Variants in PCDHA3 observed in about 807,000 individuals in gnomAD.
PCDHA3 encodes the protein protocadherin alpha-3.
A neutral mutation model predicts 62.2 loss-of-function variants in PCDHA3; 41 were observed. The observed-to-expected ratio is 0.66, with a 90% CI of 0.51 to 0.86. PCDHA3 has a LOEUF of 0.86. PCDHA3 is among the 40% of genes least tolerant of loss of function. The probability of loss-of-function intolerance (pLI) is 0.00; values close to 1 mark genes in which losing one functional copy is unlikely to be tolerated. For synonymous variants in PCDHA3, 640 were observed against 555.4 expected (o/e 1.15, Z -2.14); for missense variants, 1,304 against 1,241.2 (o/e 1.05, Z -0.76).
rs141944056 is a variant in PCDHA3, at chr5:140,857,401, G to A, written c.2394+53810G>A. ...AGGTGGCCGACGTGAACGACAACGCGCCTGCGTTCGCGCAGTCCGAGTACA... is the reference window on the plus strand; with the variant it reads ...AGGTGGCCGACGTGAACGACAACGCACCTGCGTTCGCGCAGTCCGAGTACA... On this transcript the variant is annotated intron_variant, in intron 1 of 3. Transcript: ENST00000522353. The A allele has an allele frequency of 3.2e-3, 5,155 of 1,598,156 alleles. 411 individuals are homozygous for A. The African/African-American group carries it at 0.057, about 18-fold the overall frequency.
chr5:140,921,581 T>C (rs1199851100), intron 1 of PCDHA3, among the ~76,000 whole-genome samples: 1 of 152,210 alleles, frequency 6.6e-6, no homozygotes, highest in Non-Finnish European at 1.5e-5. Flanking sequence ...GAGCTCATAC[T>C]ATATTATGGT....
intron 1 of PCDHA3, chr5:140,808,458 T>G (rs1764176354): frequency 6.2e-7 from 1 of 1,614,180 alleles, no homozygotes; most frequent in East Asian, 2.2e-5. Context: ...TATGAGCTGG[T>G]GGTGACCGCG....
At chr5:140,931,758 A>G (rs1374881766) in intron 1 of PCDHA3, among the ~76,000 whole-genome samples, 1 of 151,944 alleles carries the variant, frequency 6.6e-6, no homozygotes, top group African/African-American at 2.4e-5. Flanking sequence ...GGCATTTGTT[A>G]TTTACTTCTT....
intron 1 of PCDHA3, among the ~76,000 whole-genome samples, chr5:140,899,105 T>G (rs2153462801): frequency 6.6e-6 from 1 of 152,160 alleles, no homozygotes; most frequent in Non-Finnish European, 1.5e-5. Flanking sequence ...GATAATGGGG[T>G]TTTCTAGATA....
chr5:140,945,346 A>C (rs2093775452), intron 1 of PCDHA3, among the ~76,000 whole-genome samples: 1 of 152,132 alleles, frequency 6.6e-6, no homozygotes, highest in South Asian at 2.1e-4. Context: ...AGCTTGGAAA[A>C]ATTAATACTG....
At chr5:140,803,939 C>T in intron 1 of PCDHA3, 1 of 398,042 alleles carries the variant, frequency 2.5e-6, no homozygotes, top group Non-Finnish European at 4.5e-6. Context: ...TATCCCTATA[C>T]AATGCTTCTT....
chr5:140,841,886 A>G, intron 1 of PCDHA3: 1 of 1,613,832 alleles, frequency 6.2e-7, no homozygotes, highest in South Asian at 1.1e-5. Context: ...GAACGATGAG[A>G]ATAAACTGGT....
chr5:140,851,986 C>T, intron 1 of PCDHA3: 1 of 976,230 alleles, frequency 1.0e-6, no homozygotes, highest in Non-Finnish European at 1.2e-6. Context: ...TTAGTGCAAG[C>T]TATTTGTTTG....
At chr5:140,809,195 G>T (rs1435429734) in intron 1 of PCDHA3, 1 of 1,614,064 alleles carries the variant, frequency 6.2e-7, no homozygotes, top group East Asian at 2.2e-5. Context: ...GGTGTCACTT[G>T]TGGAGAGTGG....
In PCDHA3 at chr5:140,802,111, AG is replaced by A; in HGVS notation, c.917del (p.Gly306ValfsTer3). On this transcript the variant is annotated frameshift_variant, in exon 1 of 4. Transcript: ENST00000522353. LOFTEE classifies it high-confidence loss of function. The stretch of plus-strand genomic sequence containing the variant: ...CCAGTCAATGGACAAATCAGTGTAA[AG>A]GGTAACATAGATTTCGAGGAAAGTA... ...LDPVNGQISV[K>X]GNIDFEESKS... The A allele has an allele frequency of 1.2e-6, 2 of 1,614,222 alleles. No individual in the cohort carries two copies. The highest frequency in any genetic ancestry group is 2.2e-5 in the South Asian group (2 of 91,082).
chr5:140,963,288 G>A (rs908553196), intron 1 of PCDHA3, among the ~76,000 whole-genome samples: 2 of 152,126 alleles, frequency 1.3e-5, no homozygotes, highest in Non-Finnish European at 2.9e-5. Flanking sequence ...ATTTTATAAG[G>A]AGGAGAGAAA....
chr5:140,978,994 G>A lies in PCDHA3; in HGVS notation c.2440G>A (p.Ala814Thr). The A allele has an allele frequency of 6.2e-7, 1 of 1,614,152 alleles. No homozygotes were observed. The highest frequency in any genetic ancestry group is 8.5e-7 in the Non-Finnish European group (1 of 1,180,022). The change falls in exon 2 of 4, where the codon GCA (alanine) becomes ACA (threonine). Residue 814 changes from alanine to threonine, a missense_variant. Coordinates refer to ENST00000522353, the MANE Select transcript of PCDHA3 (RefSeq NM_018906.3). ...CTGGCGTTACTCTGCCTCCCTGAGA[G>A]CAGGCATGCACAGGTATGTATTTCC... ...PDWRYSASLR[A>T]GMHSSVHLEE... is the part of the protein sequence containing the mutation.
rs56843453 is a variant in PCDHA3 at position 141,000,391 on chromosome 5, C to A, written c.2543-9236C>A. Reference sequence around the variant, plus strand: ...TCTCTCTCTCTCTCTCTCTCTCTCTCTCTCTATATATATATATATATATAT... The same window carrying A: ...TCTCTCTCTCTCTCTCTCTCTCTCTATCTCTATATATATATATATATATAT... On this transcript the variant is annotated intron_variant, in intron 3 of 3. Transcript: ENST00000522353. Among the ~76,000 whole-genome samples the A allele has an allele frequency of 8.6e-3, 487 of 56,544 alleles. 1 individual carries two copies. Among genetic ancestry groups the A allele is most frequent in the Non-Finnish European group, 9.4e-3 (310 of 32,842 alleles). The allele number at this position is 56,544 out of a possible 152,430, so 37.1% of individuals were successfully genotyped here.
At chr5:140,899,405 T>G (rs1369333627) in intron 1 of PCDHA3, among the ~76,000 whole-genome samples, 3 of 152,204 alleles carry the variant, frequency 2.0e-5, no homozygotes, top group Non-Finnish European at 4.4e-5. Flanking sequence ...CATGAAGGGT[T>G]GTTGAATTTT....
At position 140,823,147 on chromosome 5, in the gene PCDHA3, C is replaced by G. The variant is rs144629482; in HGVS notation, c.2394+19556C>G. 35 of 1,613,884 alleles carry G rather than the reference C, an allele frequency of 2.2e-5. No homozygotes were observed. The Admixed American group carries it at 3.8e-4, about 18-fold the overall frequency. On this transcript the variant is annotated intron_variant, in intron 1 of 3. Transcript: ENST00000522353. Reference sequence around the variant, plus strand: ...CAACGCTCCGGCGTTCGCGCAGCCCCAGTATACCGTGTTCGTGAAGGAGAA... The same window carrying G: ...CAACGCTCCGGCGTTCGCGCAGCCCGAGTATACCGTGTTCGTGAAGGAGAA...
chr5:140,830,371 CG>C (rs1771026985), intron 1 of PCDHA3: 1 of 1,614,120 alleles, frequency 6.2e-7, no homozygotes, highest in Non-Finnish European at 8.5e-7. Flanking sequence ...GGGTGTGCTC[CG>C]GGGAGGGCCC....
chr5:140,877,760 G>T, intron 1 of PCDHA3: 1 of 1,614,194 alleles, frequency 6.2e-7, no homozygotes, highest in Non-Finnish European at 8.5e-7. Flanking sequence ...TCTGCAGAGA[G>T]CCCGCCCAAG....
In PCDHA3 at chr5:141,010,018, T is replaced by G. The variant is rs1257083450; in HGVS notation, c.*81T>G. On this transcript the variant is annotated 3_prime_UTR_variant, in exon 4 of 4. Coordinates refer to ENST00000522353, the MANE Select transcript of PCDHA3 (RefSeq NM_018906.3). ...TCCCATGTAGCAATTCCCTGCTCCTTTTTCCTATCTACATGAGCCCTCTTA... is the reference window on the plus strand; with the variant it reads ...TCCCATGTAGCAATTCCCTGCTCCTGTTTCCTATCTACATGAGCCCTCTTA... 2.5e-5 allele frequency: 40 copies of G among 1,571,834 alleles called. No homozygotes were observed. Among genetic ancestry groups the G allele is most frequent in the Non-Finnish European group, 3.4e-5 (39 of 1,163,118 alleles).
At chr5:140,882,767 G>GC in intron 1 of PCDHA3, 1 of 1,614,176 alleles carries the variant, frequency 6.2e-7, no homozygotes, top group Non-Finnish European at 8.5e-7. Context: ...AGTAAACTCG[G>GC]CATTGACCTA....
Sources: gnomAD v4.1 joint callset for allele counts (sites outside exome capture counted in the v4.1 genomes callset) on GRCh38, gnomAD v4.1.1 for gene constraint, MANE v1.5 for transcripts, NCBI Gene and HGNC (gene_info 2026-07-23, HGNC 2026-07-21) for gene names.